The following TNPO1 variants were observed in gnomAD, a reference collection of about 807,000 sequenced individuals.
TNPO1 encodes the protein transportin-1.
Under a neutral mutation model 119.5 loss-of-function variants are expected in TNPO1, and 8 were observed. That is an observed-to-expected ratio of 0.07 (90% CI 0.04 to 0.12). TNPO1 has a LOEUF of 0.12. Ranked by LOEUF, TNPO1 falls within the 10% of genes least tolerant of loss-of-function variation. The pLI is 1.00. For synonymous variants in TNPO1, 362 were observed against 363.0 expected, an observed-to-expected ratio of 1.00 and a Z score of 0.03; for missense variants, 576 against 1,089.8, an observed-to-expected ratio of 0.53 and a Z score of 6.64.
chr5:72,829,265 A>G (rs910687811), intron 1 of TNPO1, among the ~76,000 whole-genome samples: 1 of 152,188 alleles, frequency 6.6e-6, no homozygotes, highest in Non-Finnish European at 1.5e-5. Flanking sequence ...TGATGAACAC[A>G]GTTTTCTGTT....
chr5:72,892,248 C>A (rs996382926), intron 15 of TNPO1, among the ~76,000 whole-genome samples: 5 of 151,750 alleles, frequency 3.3e-5, no homozygotes, highest in African/African-American at 4.8e-5. Context: ...TACTTATTTT[C>A]AAATTTGAAA....
intron 6 of TNPO1, among the ~76,000 whole-genome samples, chr5:72,866,273 C>T (rs980582209): frequency 1.4e-4 from 21 of 152,140 alleles, no homozygotes; most frequent in African/African-American, 5.1e-4. Flanking sequence ...TTAGCTCCCA[C>T]TTATAAGTGA....
At chr5:72,895,431 C>T (rs927518841) in intron 18 of TNPO1, among the ~76,000 whole-genome samples, 3 of 150,774 alleles carry the variant, frequency 2.0e-5, no homozygotes, top group Non-Finnish European at 2.9e-5. Context: ...TTTTGCCATT[C>T]GGGGAACATT....
At chr5:72,824,634 TCTC>T (rs1185443821) in intron 1 of TNPO1, among the ~76,000 whole-genome samples, 1 of 152,198 alleles carries the variant, frequency 6.6e-6, no homozygotes, top group African/African-American at 2.4e-5. Context: ...TCCTTGTAAT[TCTC>T]CTTTTCCTTT....
Position 72,831,444 on chromosome 5 carries a change from T to A in TNPO1, c.15+14692T>A, listed in dbSNP as rs115704953. Reference sequence around the variant, plus strand: ...ATTATGTCTGATATAAAATAAAATTTGGGGATTTGTTCTTCTAAATTTTGT... The same window carrying A: ...ATTATGTCTGATATAAAATAAAATTAGGGGATTTGTTCTTCTAAATTTTGT... On this transcript the variant is annotated intron_variant, in intron 1 of 24. Transcript: ENST00000337273. Among the ~76,000 whole-genome samples, 658 of 152,102 alleles carry A rather than the reference T, an allele frequency of 4.3e-3. 3 individuals carry two copies. Among genetic ancestry groups the A allele is most frequent in the African/African-American group, 0.015 (639 of 41,572 alleles).
At chr5:72,878,388 C>T (rs959995046) in intron 9 of TNPO1, among the ~76,000 whole-genome samples, 6 of 151,116 alleles carry the variant, frequency 4.0e-5, no homozygotes, top group African/African-American at 1.5e-4. Context: ...CACTGTGTGT[C>T]TATTCTGTCA....
At chr5:72,847,959 G>A in intron 1 of TNPO1, 2 of 642,166 alleles carry the variant, frequency 3.1e-6, no homozygotes, top group Non-Finnish European at 3.9e-6. Flanking sequence ...CTCTTCAGGT[G>A]TTTCGCAGGG....
At chr5:72,897,602 G>A (rs1447390433) in intron 20 of TNPO1, among the ~76,000 whole-genome samples, 1 of 151,250 alleles carries the variant, frequency 6.6e-6, no homozygotes, top group Non-Finnish European at 1.5e-5. Flanking sequence ...TGGGAATTTA[G>A]GCAGTATGTT....
chr5:72,875,655 G>A lies in TNPO1; in HGVS notation c.719G>A (p.Arg240Gln), dbSNP rs537271238. 25 of 1,613,274 alleles carry A rather than the reference G, an allele frequency of 1.5e-5. No individual in the cohort carries two copies. Among genetic ancestry groups the A allele is most frequent in the East Asian group, 2.2e-5 (1 of 44,854 alleles). ...ALAGDEEPEV[R>Q]KNVCRALVML... ...GCTGGTGATGAAGAACCAGAGGTAC[G>A]GAAAAATGTGTGCCGAGCACTTGTG... Residue 240 changes from arginine (R) to glutamine (Q), a missense_variant, in exon 8 of 25, where the codon CGG becomes CAG. This residue lies in a region of TNPO1 where 310 missense variants were observed against 583.0 expected (regional missense o/e 0.53). Coordinates refer to ENST00000337273, the MANE Select transcript of TNPO1 (RefSeq NM_002270.4).
At chr5:72,901,208 T>A in intron 22 of TNPO1, 135 bp downstream of exon 22, 1 of 537,616 alleles carries the variant, frequency 1.9e-6, no homozygotes, top group Non-Finnish European at 3.1e-6. Flanking sequence ...TTAAAATGTA[T>A]ATTTCTTAAT....
chr5:72,906,181 TGAAA>T lies in TNPO1; in HGVS notation c.*35+741_*35+744del, dbSNP rs199500566. Among the ~76,000 whole-genome samples the T allele has an allele frequency of 5.2e-3, 796 of 151,754 alleles. 10 individuals are homozygous for T. The highest frequency in any genetic ancestry group is 0.019 in the African/African-American group (769 of 41,234). On this transcript the variant is annotated intron_variant, in intron 24 of 24. Transcript: ENST00000337273. ...CAAGGACTTTTCATTTCACGTGCTT[TGAAA>T]GAAAACTCAGTTGGGTTTTGGCCCA...
intron 1 of TNPO1, among the ~76,000 whole-genome samples, chr5:72,830,251 G>T (rs1329704998): frequency 6.6e-6 from 1 of 152,064 alleles, no homozygotes; most frequent in Non-Finnish European, 1.5e-5. Flanking sequence ...ATTTTTATTT[G>T]TAAAGCAGAA....
intron 1 of TNPO1, among the ~76,000 whole-genome samples, chr5:72,833,107 C>T (rs146212324): frequency 3.6e-4 from 55 of 152,254 alleles, no homozygotes; most frequent in Admixed American, 1.8e-3. Flanking sequence ...CCATGAATGA[C>T]TTAAAATAAA....
chr5:72,854,309 TTA>T (rs1222404944), intron 3 of TNPO1, among the ~76,000 whole-genome samples: 1 of 152,214 alleles, frequency 6.6e-6, no homozygotes, highest in Non-Finnish European at 1.5e-5. Flanking sequence ...ATACAAGGTT[TTA>T]TAGTGCTGTG....
At chr5:72,829,292 T>TA (rs2112183747) in intron 1 of TNPO1, among the ~76,000 whole-genome samples, 1 of 152,326 alleles carries the variant, frequency 6.6e-6, no homozygotes, top group Admixed American at 6.5e-5. Context: ...TTTTGAGGGT[T>TA]AGTGAGTAAA....
Position 72,913,154 on chromosome 5 carries a change from A to T in TNPO1, c.*4481A>T, listed in dbSNP as rs933754038. The T allele has an allele frequency of 2.0e-5, 3 of 152,498 alleles. No homozygotes were observed. 9.4% of individuals were successfully genotyped at this position (152,498 alleles called of 1,614,324 possible). On this transcript the variant is annotated 3_prime_UTR_variant, in exon 25 of 25. Transcript: ENST00000337273. ...ATATTATCTGGTAATAATACCATGC[A>T]ATATAGCGTTGTATACCAACTTAGT...
At chr5:72,903,831 C>A in intron 23 of TNPO1, 48 bp downstream of exon 23, 1 of 1,262,658 alleles carries the variant, frequency 7.9e-7, no homozygotes, top group Non-Finnish European at 1.1e-6. Flanking sequence ...TGTTAATATC[C>A]TAGTGGAAAA....
intron 1 of TNPO1, chr5:72,848,145 G>A: frequency 1.7e-6 from 2 of 1,207,030 alleles, no homozygotes; most frequent in Middle Eastern, 3.2e-4. Flanking sequence ...GGCTCCTTGC[G>A]CTCGGCGGCC....
intron 4 of TNPO1, among the ~76,000 whole-genome samples, chr5:72,856,556 C>G (rs1746016085): frequency 6.6e-6 from 1 of 152,120 alleles, no homozygotes; most frequent in Admixed American, 6.6e-5. Flanking sequence ...TTCTGCCTAG[C>G]ATGATGCATA....
Sources: gnomAD v4.1 joint callset for allele counts (sites outside exome capture counted in the v4.1 genomes callset) on GRCh38, gnomAD v4.1.1 for gene constraint, gnomAD v4.1.1 regional missense constraint, MANE v1.5 for transcripts, NCBI Gene and HGNC (gene_info 2026-07-23, HGNC 2026-07-21) for gene names.